CTNS: variants seen among roughly 807,000 people sequenced by gnomAD.
CTNS encodes the protein cystinosin.
CTNS carries 27 observed loss-of-function variants against 43.7 expected under a neutral mutation model. The observed-to-expected ratio is 0.62, with a 90% CI of 0.46 to 0.85. The LOEUF is 0.85. Ranked by LOEUF, CTNS falls within the 40% of genes least tolerant of loss-of-function variation. CTNS has a pLI of 0.00. For synonymous variants in CTNS, 187 were observed against 190.6 expected, an observed-to-expected ratio of 0.98 and a Z score of 0.16; for missense variants, 457 against 475.4, an observed-to-expected ratio of 0.96 and a Z score of 0.36.
intron 2 of CTNS, among the ~76,000 whole-genome samples, chr17:3,639,892 C>CT (rs1434238520): frequency 6.6e-6 from 1 of 152,100 alleles, no homozygotes; most frequent in African/African-American, 2.4e-5. Context: ...TTTCTGCTAA[C>CT]TAAGTTTTTA....
chr17:3,640,040 C>A, intron 2 of CTNS, 148 bp from the exon 3 acceptor site: 1 of 710,712 alleles, frequency 1.4e-6, no homozygotes, highest in Non-Finnish European at 2.6e-6. Context: ...GGGTGTCCCT[C>A]TGAGGCCGTG....
rs117079843 is a variant in CTNS at position 3,662,038 on chromosome 17, C to T, written c.*1669C>T. Among the ~76,000 whole-genome samples, 2,338 of 152,236 alleles carry T rather than the reference C, an allele frequency of 0.015. 28 individuals are homozygous for T. Among genetic ancestry groups the T allele is most frequent in the Non-Finnish European group, 0.022 (1,502 of 68,006 alleles). On this transcript the variant is annotated 3_prime_UTR_variant, in exon 12 of 12. Coordinates refer to ENST00000046640, the MANE Select transcript of CTNS (RefSeq NM_004937.3). ...AATGATTGACTTTTCCGGCTGAGTG[C>T]GGTGGCTCACGCCTGTAATCCCAGC...
chr17:3,659,846 T>C lies in CTNS; in HGVS notation c.853-12T>C, dbSNP rs1270506469. ...ACCGCCCTCCGTCTGTCTGTCCGTC[T>C]GTCTGGCCCAGGCCTACATGAACTT... On this transcript the variant is annotated splice_polypyrimidine_tract_variant and intron_variant, in intron 10 of 11. Transcript: ENST00000046640. The C allele has an allele frequency of 1.2e-6, 2 of 1,605,836 alleles. No individual in the cohort carries two copies. The highest frequency in any genetic ancestry group is 1.7e-6 in the Non-Finnish European group (2 of 1,172,554).
At chr17:3,660,198 C>G in intron 11 of CTNS, 38 bp from the exon 12 acceptor site, 1 of 1,613,612 alleles carries the variant, frequency 6.2e-7, no homozygotes, top group Non-Finnish European at 8.5e-7. Context: ...CAGGAGCTGC[C>G]AACCTAACAC....
chr17:3,637,714 A>T (rs1449843270), intron 2 of CTNS, among the ~76,000 whole-genome samples: 1 of 151,974 alleles, frequency 6.6e-6, no homozygotes, highest in Non-Finnish European at 1.5e-5. Context: ...TGATGCGCTC[A>T]CCTCGGCCTC....
rs2076160390 is a variant in CTNS, at chr17:3,656,814, C to A, written c.681+19C>A. On this transcript the variant is annotated intron_variant, in intron 9 of 11. Transcript: ENST00000046640. ...GTATGAGGTGAGACCAGCCCTGGCCCCCCACAGGCCACCCCAGCCAACACC... is the reference window on the plus strand; with the variant it reads ...GTATGAGGTGAGACCAGCCCTGGCCACCCACAGGCCACCCCAGCCAACACC... The A allele has an allele frequency of 6.2e-7, 1 of 1,612,662 alleles. No individual in the cohort carries two copies. Among genetic ancestry groups the A allele is most frequent in the Admixed American group, 1.7e-5 (1 of 60,008 alleles).
intron 5 of CTNS, among the ~76,000 whole-genome samples, chr17:3,649,587 C>A (rs2075928522): frequency 6.6e-6 from 1 of 152,116 alleles, no homozygotes; most frequent in Non-Finnish European, 1.5e-5. Context: ...TCAAAGTCAG[C>A]ACACTAGCAA....
rs1419286439 is a variant in CTNS at position 3,662,687 on chromosome 17, C to G, written c.*2318C>G. On this transcript the variant is annotated 3_prime_UTR_variant, in exon 12 of 12. Coordinates refer to ENST00000046640, the MANE Select transcript of CTNS (RefSeq NM_004937.3). ...GGTCCCACCCCAGTGCTCCCAGACACTCCCACAGATGTGGTTCTGGTCAGG... is the reference window on the plus strand; with the variant it reads ...GGTCCCACCCCAGTGCTCCCAGACAGTCCCACAGATGTGGTTCTGGTCAGG... Among the ~76,000 whole-genome samples the G allele has an allele frequency of 5.3e-5, 8 of 152,234 alleles. No homozygotes were observed. Among genetic ancestry groups the G allele is most frequent in the Non-Finnish European group, 8.8e-5 (6 of 68,036 alleles).
intron 5 of CTNS, among the ~76,000 whole-genome samples, 154 bp downstream of exon 5, chr17:3,649,085 G>GT (rs1371280968): frequency 2.0e-5 from 3 of 152,170 alleles, no homozygotes; most frequent in Admixed American, 6.5e-5. Flanking sequence ...TTGGGGATGA[G>GT]TATCACATGC....
Position 3,660,515 on chromosome 17 carries a change from C to A in CTNS, c.*146C>A. 1.2e-6 allele frequency: 2 copies of A among 1,612,500 alleles called. No homozygotes were observed. Among genetic ancestry groups the A allele is most frequent in the Admixed American group, 3.3e-5 (2 of 60,016 alleles). On this transcript the variant is annotated 3_prime_UTR_variant, in exon 12 of 12. Transcript: ENST00000046640. ...GAGGAGACCACTCTGCTCCTGGGGC[C>A]AGAGGCCATTCAATAGCCTGCCTTC...
intron 7 of CTNS, among the ~76,000 whole-genome samples, chr17:3,656,181 C>A (rs1284729513): frequency 9.0e-6 from 1 of 111,174 alleles, no homozygotes; most frequent in African/African-American, 3.7e-5. Context: ...GCCCTCACCC[C>A]CTGCCATGCC....
Position 3,661,183 on chromosome 17 carries a change from T to C in CTNS, c.*814T>C, listed in dbSNP as rs914641770. 3 of 252,624 alleles carry C rather than the reference T, an allele frequency of 1.2e-5. No individual in the cohort carries two copies. Among genetic ancestry groups the C allele is most frequent in the South Asian group, 9.5e-5 (2 of 20,946 alleles). The allele number at this position is 252,624 out of a possible 1,614,324, so 15.6% of individuals were successfully genotyped here. A position where few individuals can be genotyped will look rare whatever the true frequency, so the allele number is the denominator to read the frequency against. On this transcript the variant is annotated 3_prime_UTR_variant, in exon 12 of 12. Transcript: ENST00000046640. ...GGACATAGCTCTCTCCTGCTACCAG[T>C]CTGTGCCTTAGAGGTCTGTTAGGCC...
intron 3 of CTNS, among the ~76,000 whole-genome samples, chr17:3,645,613 G>A (rs1428257768): frequency 2.0e-5 from 3 of 152,016 alleles, no homozygotes; most frequent in East Asian, 1.9e-4. Context: ...TAGTCCCAGC[G>A]CTTTGGAAGG....
chr17:3,656,440 T>A, intron 7 of CTNS, 47 bp from the exon 8 acceptor site: 7 of 962,602 alleles, frequency 7.3e-6, no homozygotes, highest in African/African-American at 3.1e-5. Flanking sequence ...CCTCCACCCC[T>A]GCCAGTCTTC....
chr17:3,661,881 CA>C lies in CTNS; in HGVS notation c.*1515del, dbSNP rs2142987610. ...AGACGCTTCCTCTATCTAGTTGTAA[CA>C]AACGTCAAAGAATGTCAGGTCTTGT... is the stretch of plus-strand genomic sequence containing the variant. On this transcript the variant is annotated 3_prime_UTR_variant, in exon 12 of 12. Transcript: ENST00000046640. 1.3e-5 allele frequency among the ~76,000 whole-genome samples: 2 copies of C among 152,354 alleles called. No individual in the cohort carries two copies. Among genetic ancestry groups the C allele is most frequent in the South Asian group, 4.1e-4 (2 of 4,834 alleles).
At position 3,640,246 on chromosome 17, in the gene CTNS, C is replaced by T; in HGVS notation, c.40C>T (p.Leu14=). The T allele has an allele frequency of 1.2e-6, 2 of 1,614,064 alleles. No individual in the cohort carries two copies. Among genetic ancestry groups the T allele is most frequent in the Non-Finnish European group, 1.7e-6 (2 of 1,179,924 alleles). The change falls in exon 3 of 12, where the codon CTG becomes TTG. Residue 14 remains leucine, a synonymous_variant. Coordinates refer to ENST00000046640, the MANE Select transcript of CTNS (RefSeq NM_004937.3). ...GCTGACTATTTTTATCCTTTTTCCC[C>T]TGAAGCTCGTAGAGAAATGTGGTAA... The part of the protein sequence containing the change: ...NWLTIFILFP[L]KLVEKCESSV...
At position 3,649,072 on chromosome 17, in the gene CTNS, C is replaced by T. The variant is rs934246929; in HGVS notation, c.225+141C>T. The T allele has an allele frequency of 7.6e-5, 57 of 752,680 alleles. No homozygotes were observed. The East Asian group carries it at 1.4e-3, about 19-fold the overall frequency. 46.6% of individuals were successfully genotyped at this position (752,680 alleles called of 1,614,324 possible). A position where few individuals can be genotyped will look rare whatever the true frequency, so the allele number is the denominator to read the frequency against. ...TCTGTGATTTTGGCTTTGTTGGTGT[C>T]TTTTGGGGATGAGTATCACATGCCA... On this transcript the variant is annotated intron_variant, in intron 5 of 11. Coordinates refer to ENST00000046640, the MANE Select transcript of CTNS (RefSeq NM_004937.3).
intron 2 of CTNS, among the ~76,000 whole-genome samples, chr17:3,637,759 G>A (rs1185339794): frequency 1.3e-5 from 2 of 152,102 alleles, no homozygotes; most frequent in Non-Finnish European, 2.9e-5. Flanking sequence ...GAGCCACCGC[G>A]CCCAGCCTAC....
intron 7 of CTNS, chr17:3,655,683 G>A (rs560098087): frequency 2.1e-5 from 8 of 386,210 alleles, no homozygotes; most frequent in East Asian, 1.3e-4. Context: ...GGAGGATTGC[G>A]GCGTCAAGTC....
Sources: allele counts gnomAD v4.1 joint callset (sites outside exome capture counted in the v4.1 genomes callset), GRCh38; gene constraint gnomAD v4.1.1; transcripts MANE v1.5; gene names NCBI Gene and HGNC (gene_info 2026-07-23, HGNC 2026-07-21).